Variants in FBXL17 observed in about 807,000 individuals in gnomAD.
FBXL17 encodes F-box and leucine rich repeat protein 17, also known as F-box/LRR-repeat protein 17.
FBXL17 carries 22 observed loss-of-function variants against 66.2 expected under a neutral mutation model. The ratio of observed to expected loss-of-function variants is 0.33; its 90% confidence interval spans 0.24 to 0.47. FBXL17 has a LOEUF of 0.47. FBXL17 is among the 20% of genes least tolerant of loss of function. The pLI, the probability that FBXL17 is intolerant of heterozygous loss-of-function variation, is 1.00. For missense variants in FBXL17, 878 were observed against 948.2 expected (o/e 0.93, Z 0.97); for synonymous variants, 474 against 400.5 (o/e 1.18, Z -2.19).
At chr5:108,090,284 C>A (rs1381415057) in intron 6 of FBXL17, among the ~76,000 whole-genome samples, 1 of 152,012 alleles carries the variant, frequency 6.6e-6, no homozygotes, top group Non-Finnish European at 1.5e-5. Flanking sequence ...TATGGCATAC[C>A]ACATGGGAGC....
chr5:107,887,145 TG>T (rs1254467699), intron 7 of FBXL17, among the ~76,000 whole-genome samples: 1 of 152,240 alleles, frequency 6.6e-6, no homozygotes, highest in Non-Finnish European at 1.5e-5. Context: ...TAGAGGTAGC[TG>T]GGTGAAGAGC....
intron 5 of FBXL17, among the ~76,000 whole-genome samples, chr5:108,216,607 G>A (rs1216370373): frequency 1.3e-5 from 2 of 152,024 alleles, no homozygotes; most frequent in Non-Finnish European, 2.9e-5. Flanking sequence ...ACATTGTGGA[G>A]TGGCCAGATC....
chr5:108,351,687 C>T (rs993392047), intron 3 of FBXL17, among the ~76,000 whole-genome samples: 1 of 152,202 alleles, frequency 6.6e-6, no homozygotes, highest in Non-Finnish European at 1.5e-5. Flanking sequence ...TGACATCTTG[C>T]TCCTTCATCA....
At chr5:108,002,557 T>C (rs1049225858) in intron 7 of FBXL17, among the ~76,000 whole-genome samples, 1 of 152,164 alleles carries the variant, frequency 6.6e-6, no homozygotes, top group African/African-American at 2.4e-5. Context: ...GAACACGTGT[T>C]CAAATGAAAG....
At chr5:107,986,718 A>G (rs1271552287) in intron 7 of FBXL17, among the ~76,000 whole-genome samples, 1 of 151,954 alleles carries the variant, frequency 6.6e-6, no homozygotes, top group African/African-American at 2.4e-5. Context: ...GATAAAGCAG[A>G]TTTTACAATA....
At chr5:108,226,386 A>G (rs1267345331) in intron 4 of FBXL17, among the ~76,000 whole-genome samples, 1 of 151,908 alleles carries the variant, frequency 6.6e-6, no homozygotes, top group Admixed American at 6.6e-5. Context: ...CTTCTACTTT[A>G]TTTTATTTTT....
rs114696171 is a variant in FBXL17, at chr5:108,093,044, A to T, written c.1746-72043T>A. ...GACCAATAACAAAATTTAACAATTA[A>T]TATTTTAACTTTATACCTGTGCAGA... On this transcript the variant is annotated intron_variant, in intron 6 of 8. Transcript: ENST00000542267. Among the ~76,000 whole-genome samples the T allele has an allele frequency of 7.4e-3, 1,134 of 152,238 alleles. 14 individuals carry two copies. Among genetic ancestry groups the T allele is most frequent in the African/African-American group, 0.026 (1,062 of 41,550 alleles).
intron 6 of FBXL17, among the ~76,000 whole-genome samples, chr5:108,155,907 A>G (rs1751978376): frequency 6.6e-6 from 1 of 152,198 alleles, no homozygotes; most frequent in African/African-American, 2.4e-5. Flanking sequence ...AATTTAATTT[A>G]TAGCATATCA....
Position 108,373,027 on chromosome 5 carries a change from G to A in FBXL17, c.994-5074C>T, listed in dbSNP as rs561055938. The stretch of plus-strand genomic sequence containing the variant: ...CAATAACAACAAATACAGGAGCAAA[G>A]TTTTTATATACCACTGAAACTAAAC... On this transcript the variant is annotated intron_variant, in intron 1 of 8. Coordinates refer to ENST00000542267, the MANE Select transcript of FBXL17 (RefSeq NM_001163315.3). 1.7e-3 allele frequency among the ~76,000 whole-genome samples: 263 copies of A among 151,674 alleles called. 2 individuals carry two copies. The highest frequency in any genetic ancestry group is 2.7e-3 in the Non-Finnish European group (182 of 67,878).
chr5:108,069,245 C>G (rs1748239424), intron 6 of FBXL17, among the ~76,000 whole-genome samples: 1 of 152,132 alleles, frequency 6.6e-6, no homozygotes, highest in African/African-American at 2.4e-5. Flanking sequence ...CATTTGTTTT[C>G]CCCTCTAAAT....
chr5:107,879,818 G>A (rs1388445548), intron 8 of FBXL17: 1 of 985,278 alleles, frequency 1.0e-6, no homozygotes, highest in African/African-American at 1.7e-5. Flanking sequence ...ATCTGAACTG[G>A]ACCTTTTCCA....
chr5:108,299,856 G>A, intron 4 of FBXL17: 1 of 983,528 alleles, frequency 1.0e-6, no homozygotes, highest in Non-Finnish European at 1.2e-6. Flanking sequence ...AAGGGTAGAT[G>A]CCATGGAAAA....
At chr5:108,359,303 T>A (rs529072359) in intron 3 of FBXL17, among the ~76,000 whole-genome samples, 154 of 152,206 alleles carry the variant, frequency 1.0e-3, no homozygotes, top group African/African-American at 3.5e-3. Context: ...CTGTCCTCTA[T>A]CATGTTTATC....
At position 108,223,480 on chromosome 5, in the gene FBXL17, G is replaced by A. The variant is rs1754961884; in HGVS notation, c.1614+641C>T. The stretch of plus-strand genomic sequence containing the variant: ...AGTAACAAATTTCAGATAACACATA[G>A]GTAAATTTTATAGTAGCCAGCTTTT... On this transcript the variant is annotated intron_variant, in intron 5 of 8. Transcript: ENST00000542267. Among the ~76,000 whole-genome samples the A allele has an allele frequency of 2.1e-5, 3 of 139,684 alleles. No individual in the cohort carries two copies. The South Asian group carries it at 6.2e-4, about 29-fold the overall frequency. The allele number at this position is 139,684 out of a possible 152,430, so 91.6% of individuals were successfully genotyped here.
chr5:108,306,267 T>C (rs186500735), intron 4 of FBXL17, among the ~76,000 whole-genome samples: 93 of 152,184 alleles, frequency 6.1e-4, no homozygotes, highest in Middle Eastern at 3.4e-3. Flanking sequence ...TAATCAATGA[T>C]GCTGTGAATG....
At position 108,198,219 on chromosome 5, in the gene FBXL17, G is replaced by C. The variant is rs1378064904; in HGVS notation, c.1615-11972C>G. Among the ~76,000 whole-genome samples, 5 of 152,124 alleles carry C rather than the reference G, an allele frequency of 3.3e-5. No individual in the cohort carries two copies. The East Asian group carries it at 5.8e-4, about 18-fold the overall frequency. The stretch of plus-strand genomic sequence containing the variant: ...ACCTAGGAAGAAACTAAATAACCTA[G>C]GCATTCAGCAGCAGCTTTCTCTCCT... On this transcript the variant is annotated intron_variant, in intron 5 of 8. Coordinates refer to ENST00000542267, the MANE Select transcript of FBXL17 (RefSeq NM_001163315.3).
chr5:108,085,944 T>C (rs911998868), intron 6 of FBXL17, among the ~76,000 whole-genome samples: 1 of 152,092 alleles, frequency 6.6e-6, no homozygotes, highest in African/African-American at 2.4e-5. Flanking sequence ...ATAACAATAG[T>C]AAAGAACATT....
rs369943064 is a variant in FBXL17 at position 108,299,511 on chromosome 5, C to A, written c.1506+48888G>T. 5.0e-5 allele frequency: 47 copies of A among 946,396 alleles called. 1 individual carries two copies. Among genetic ancestry groups the A allele is most frequent in the Middle Eastern group, 5.4e-4 (1 of 1,838 alleles). 58.6% of individuals were successfully genotyped at this position (946,396 alleles called of 1,614,324 possible). ...TATTGAATAAGGAAAGAAAAGAAAA[C>A]AGGAGGGCTAATTTCTATATAATCC... On this transcript the variant is annotated intron_variant, in intron 4 of 8. Transcript: ENST00000542267.
chr5:108,205,881 C>T (rs1407132993), intron 5 of FBXL17, among the ~76,000 whole-genome samples: 1 of 152,028 alleles, frequency 6.6e-6, no homozygotes. Context: ...GGATTACAGT[C>T]ACTCCCCACC....
Sources: allele counts gnomAD v4.1 joint callset (sites outside exome capture counted in the v4.1 genomes callset), GRCh38; gene constraint gnomAD v4.1.1; transcripts MANE v1.5; gene names NCBI Gene and HGNC (gene_info 2026-07-23, HGNC 2026-07-21).